The following EFCAB13 variants were observed in gnomAD, a reference collection of about 807,000 sequenced individuals.
The protein encoded by EFCAB13 is EF-hand calcium binding domain 13.
In EFCAB13, 91 loss-of-function variants were observed where a neutral mutation model predicts 110.2. The ratio of observed to expected loss-of-function variants is 0.83; its 90% CI spans 0.70 to 0.98. The LOEUF (loss-of-function observed/expected upper bound fraction) is 0.98, where lower values mean the gene tolerates loss of function less well. Ranked by LOEUF, EFCAB13 falls within the 50% of genes least tolerant of loss-of-function variation. EFCAB13 has a pLI of 0.00. For missense variants in EFCAB13, 968 were observed against 1,119.4 expected (o/e 0.86, Z 1.93); for synonymous variants, 323 against 369.9 (o/e 0.87, Z 1.45).
At chr17:47,382,828 CTGT>C (rs1404051333) in intron 14 of EFCAB13, among the ~76,000 whole-genome samples, 2 of 152,070 alleles carry the variant, frequency 1.3e-5, no homozygotes, top group Non-Finnish European at 2.9e-5. Flanking sequence ...CCCCCCTTTT[CTGT>C]TGTTTGGAAT....
At chr17:47,338,963 CAATA>C (rs1408372614) in intron 5 of EFCAB13, among the ~76,000 whole-genome samples, 1 of 150,928 alleles carries the variant, frequency 6.6e-6, no homozygotes, top group Non-Finnish European at 1.5e-5. Context: ...ATTTAAGAAA[CAATA>C]AATATATATA....
In EFCAB13 at chr17:47,438,429, A is replaced by G. The variant is rs1272166991; in HGVS notation, c.2639-2002A>G. On this transcript the variant is annotated intron_variant, in intron 24 of 24. Coordinates refer to ENST00000331493, the MANE Select transcript of EFCAB13 (RefSeq NM_152347.5). ...ATTCTCTTCTTCCTCAGGTACACCA[A>G]CTATTCTTAGATTTGGTTGTTTAAC... is the stretch of plus-strand genomic sequence containing the variant. Among the ~76,000 whole-genome samples the G allele has an allele frequency of 2.0e-5, 3 of 151,632 alleles. No homozygotes were observed. The East Asian group carries it at 5.8e-4, about 29-fold the overall frequency.
chr17:47,416,212 C>T (rs1054021545), intron 23 of EFCAB13, among the ~76,000 whole-genome samples: 35 of 152,082 alleles, frequency 2.3e-4, no homozygotes, highest in African/African-American at 6.3e-4. Flanking sequence ...GTGCAACCAT[C>T]ACAACTTTCT....
At chr17:47,344,133 G>A in intron 6 of EFCAB13, 29 bp from the exon 7 acceptor site, 2 of 1,605,300 alleles carry the variant, frequency 1.2e-6, no homozygotes, top group Non-Finnish European at 1.7e-6. Context: ...ACTCACCTCA[G>A]GCACCAACAT....
Position 47,412,782 on chromosome 17 carries a change from A to T in EFCAB13, c.2288A>T (p.Glu763Val). 6.2e-7 allele frequency: 1 copy of T among 1,613,208 alleles called. No individual in the cohort carries two copies. Among genetic ancestry groups the T allele is most frequent in the Non-Finnish European group, 8.5e-7 (1 of 1,179,614 alleles). ...LKLPKVNEIK[E>V]AANILSHVDN... ...ACATTTATCTTTGTAGAGATTAAAG[A>T]AGCTGCTAACATCTTGTCACATGTC... Residue 763 changes from glutamate to valine, a missense_variant, in exon 22 of 25, where the codon GAA (glutamate) becomes GTA (valine). Coordinates refer to ENST00000331493, the MANE Select transcript of EFCAB13 (RefSeq NM_152347.5).
intron 23 of EFCAB13, 44 bp from the exon 24 acceptor site, chr17:47,429,774 C>A: frequency 6.5e-7 from 1 of 1,537,906 alleles, no homozygotes; most frequent in South Asian, 1.2e-5. Flanking sequence ...AACATATGCT[C>A]TATTTCTGCT....
At chr17:47,325,468 C>T (rs1399949389) in intron 2 of EFCAB13, among the ~76,000 whole-genome samples, 1 of 152,172 alleles carries the variant, frequency 6.6e-6, no homozygotes, top group Non-Finnish European at 1.5e-5. Context: ...TCTTTCAATG[C>T]TTGTCACTCC....
chr17:47,328,438 T>C (rs2065300534), intron 4 of EFCAB13, 55 bp downstream of exon 4: 6 of 1,393,134 alleles, frequency 4.3e-6, no homozygotes, highest in Middle Eastern at 2.6e-4. Flanking sequence ...TTAAAATTAG[T>C]TTACATTACC....
chr17:47,407,362 T>C (rs573582265), intron 20 of EFCAB13, among the ~76,000 whole-genome samples: 1 of 152,322 alleles, frequency 6.6e-6, no homozygotes, highest in South Asian at 2.1e-4. Context: ...TAGAAAATTA[T>C]CAGAGTGGAG....
Position 47,391,492 on chromosome 17 carries a change from T to G in EFCAB13, c.1638T>G (p.Tyr546Ter), listed in dbSNP as rs118004742. Residue 546 changes from tyrosine (Y) to a stop codon, truncating the protein, a stop_gained, in exon 15 of 25, where the codon TAT becomes TAG. Transcript: ENST00000331493. LOFTEE classifies it high-confidence loss of function. ...IDKIKDKNVD[Y>*]EDLNTCLQNF... ...AAATTAAAGATAAAAATGTGGATTA[T>G]GAGGATCTAAATACTTGTCTTCAAA... The G allele has an allele frequency of 0.05, 79,796 of 1,592,556 alleles. 2,394 individuals carry two copies. Among genetic ancestry groups the G allele is most frequent in the Middle Eastern group, 0.13 (751 of 5,874 alleles).
At chr17:47,366,444 A>G (rs1338925958) in intron 10 of EFCAB13, among the ~76,000 whole-genome samples, 1 of 152,118 alleles carries the variant, frequency 6.6e-6, no homozygotes, top group African/African-American at 2.4e-5. Flanking sequence ...ACAGAAATGT[A>G]GTGTTAATGG....
At chr17:47,420,631 C>A (rs1285193612) in intron 23 of EFCAB13, among the ~76,000 whole-genome samples, 4 of 152,294 alleles carry the variant, frequency 2.6e-5, no homozygotes, top group East Asian at 1.9e-4. Context: ...CGCCTCTACC[C>A]GGCCGCGACC....
At chr17:47,439,246 G>C (rs906112447) in intron 24 of EFCAB13, among the ~76,000 whole-genome samples, 2 of 132,104 alleles carry the variant, frequency 1.5e-5, no homozygotes, top group African/African-American at 5.8e-5. Flanking sequence ...GCACATTCTC[G>C]GCTCACTGCA....
intron 24 of EFCAB13, among the ~76,000 whole-genome samples, chr17:47,438,656 G>GT (rs922860701): frequency 1.3e-5 from 2 of 151,982 alleles, no homozygotes; most frequent in South Asian, 2.1e-4. Flanking sequence ...ATTTTTGATG[G>GT]TTTTTTCTTT....
At position 47,403,899 on chromosome 17, in the gene EFCAB13, C is replaced by G. The variant is rs757332953; in HGVS notation, c.2039C>G (p.Ala680Gly). 2 of 1,607,820 alleles carry G rather than the reference C, an allele frequency of 1.2e-6. No individual in the cohort carries two copies. Among genetic ancestry groups the G allele is most frequent in the Non-Finnish European group, 8.5e-7 (1 of 1,177,320 alleles). ...RLEELQEVVL[A>G]ADLLEGDMIA... is the part of the protein sequence containing the mutation. ...ATAGAGTTACAGGAAGTTGTCTTAG[C>G]TGCTGATTTGCTGGAAGGTGACATG... The change falls in exon 19 of 25, where the codon GCT (alanine) becomes GGT (glycine). Residue 680 changes from alanine (A) to glycine (G), a missense_variant. By Grantham distance (60) the Ala-to-Gly change is moderately conservative. Coordinates refer to ENST00000331493, the MANE Select transcript of EFCAB13 (RefSeq NM_152347.5).
At chr17:47,392,635 A>G (rs2065714293) in intron 15 of EFCAB13, among the ~76,000 whole-genome samples, 1 of 152,190 alleles carries the variant, frequency 6.6e-6, no homozygotes, top group African/African-American at 2.4e-5. Context: ...AAAGTGGTGG[A>G]TAACTGGGGA....
Position 47,440,738 on chromosome 17 carries a change from A to C in EFCAB13, c.*24A>C, listed in dbSNP as rs1325476703. On this transcript the variant is annotated 3_prime_UTR_variant, in exon 25 of 25. Transcript: ENST00000331493. ...AGGTAGTCTTACTTGATAGTGCTAGAAAATTACTAGATTATATATTATTCA... is the reference window on the plus strand; with the variant it reads ...AGGTAGTCTTACTTGATAGTGCTAGCAAATTACTAGATTATATATTATTCA... The C allele has an allele frequency of 6.7e-7, 1 of 1,499,422 alleles. No individual in the cohort carries two copies. 92.9% of individuals were successfully genotyped at this position (1,499,422 alleles called of 1,614,324 possible). A position where few individuals can be genotyped will look rare whatever the true frequency, so the allele number is the denominator to read the frequency against.
intron 14 of EFCAB13, among the ~76,000 whole-genome samples, chr17:47,379,763 A>G (rs2065636513): frequency 8.4e-6 from 1 of 119,266 alleles, no homozygotes; most frequent in Non-Finnish European, 1.9e-5. Context: ...TATACAAATG[A>G]TTAAATATTT....
chr17:47,423,122 T>C (rs1490920079), intron 23 of EFCAB13, among the ~76,000 whole-genome samples: 3 of 152,214 alleles, frequency 2.0e-5, no homozygotes, highest in African/African-American at 7.2e-5. Context: ...TCACAAAATA[T>C]GTATCATTTT....
Sources: allele counts gnomAD v4.1 joint callset (sites outside exome capture counted in the v4.1 genomes callset), GRCh38; gene constraint gnomAD v4.1.1; transcripts MANE v1.5; gene names NCBI Gene and HGNC (gene_info 2026-07-23, HGNC 2026-07-21).